The following CDX1 variants were observed in gnomAD, a reference collection of about 807,000 sequenced individuals.
The protein encoded by CDX1 is caudal type homeobox 1.
Under a neutral mutation model 16.9 loss-of-function variants are expected in CDX1, and 9 were observed. That is an observed-to-expected ratio of 0.53 (90% CI 0.32 to 0.93). CDX1 has a LOEUF of 0.93. Among genes scored for constraint, CDX1 ranks in the 40% least tolerant of loss-of-function variants. The pLI, the probability that CDX1 is intolerant of heterozygous loss-of-function variation, is 0.04. For synonymous variants in CDX1, 179 were observed against 179.0 expected (o/e 1.00, Z 0.00); for missense variants, 393 against 386.1 (o/e 1.02, Z -0.15).
At chr5:150,172,651 G>A (rs1051200113) in intron 1 of CDX1, among the ~76,000 whole-genome samples, 1 of 152,176 alleles carries the variant, frequency 6.6e-6, no homozygotes. Context: ...GGGATGTACT[G>A]TAAGAGGCTG....
At chr5:150,182,969 G>A in intron 2 of CDX1, 56 bp downstream of exon 2, 1 of 1,539,878 alleles carries the variant, frequency 6.5e-7, no homozygotes, top group Admixed American at 2.0e-5. Context: ...CTGGTCTCCA[G>A]GCTGCCAGGC....
At chr5:150,182,470 T>C (rs1215016032) in intron 1 of CDX1, among the ~76,000 whole-genome samples, 5 of 152,234 alleles carry the variant, frequency 3.3e-5, no homozygotes, top group Admixed American at 6.5e-5. Context: ...TCAGGAGACC[T>C]GGGCTGAAGC....
At chr5:150,180,363 T>C (rs1438008532) in intron 1 of CDX1, among the ~76,000 whole-genome samples, 1 of 152,214 alleles carries the variant, frequency 6.6e-6, no homozygotes, top group African/African-American at 2.4e-5. Context: ...TCAGTGGACA[T>C]GGAAGCGTCC....
At chr5:150,180,279 C>G (rs944961746) in intron 1 of CDX1, among the ~76,000 whole-genome samples, 12 of 152,236 alleles carry the variant, frequency 7.9e-5, no homozygotes, top group African/African-American at 2.2e-4. Flanking sequence ...CAGCCACTCC[C>G]TTATCCCTTT....
In CDX1 at chr5:150,184,397, G is replaced by A. The variant is rs1468063264; in HGVS notation, c.*717G>A. On this transcript the variant is annotated 3_prime_UTR_variant, in exon 3 of 3. Coordinates refer to ENST00000231656, the MANE Select transcript of CDX1 (RefSeq NM_001804.3). ...ATCAGGGCCCAGGGAGCCCCCAGAG[G>A]ACTTTATTCGGACCAAGCAGAGCTC... is the stretch of plus-strand genomic sequence containing the variant. 1 of 152,320 alleles carries A rather than the reference G, an allele frequency of 6.6e-6. No individual in the cohort carries two copies. The highest frequency in any genetic ancestry group is 1.9e-4 in the East Asian group (1 of 5,188). 9.4% of individuals were successfully genotyped at this position (152,320 alleles called of 1,614,324 possible).
chr5:150,182,258 T>G (rs1752459569), intron 1 of CDX1, among the ~76,000 whole-genome samples: 1 of 152,230 alleles, frequency 6.6e-6, no homozygotes, highest in African/African-American at 2.4e-5. Context: ...GTCTCCAGCA[T>G]TCAAACCTAT....
intron 1 of CDX1, among the ~76,000 whole-genome samples, chr5:150,175,369 G>A (rs1761555808): frequency 6.6e-6 from 1 of 152,196 alleles, no homozygotes; most frequent in African/African-American, 2.4e-5. Flanking sequence ...GTCAGATTGT[G>A]GACCTTGATG....
At chr5:150,173,746 C>G (rs1761535396) in intron 1 of CDX1, among the ~76,000 whole-genome samples, 1 of 152,054 alleles carries the variant, frequency 6.6e-6, no homozygotes, top group South Asian at 2.1e-4. Flanking sequence ...GATTTCTGTC[C>G]CCGGAACAGC....
At chr5:150,181,415 A>G (rs1024823209) in intron 1 of CDX1, among the ~76,000 whole-genome samples, 90 of 152,160 alleles carry the variant, frequency 5.9e-4, no homozygotes, top group African/African-American at 1.9e-3. Context: ...AGCTGGGATT[A>G]CAGATGTATG....
intron 1 of CDX1, among the ~76,000 whole-genome samples, chr5:150,173,968 C>G (rs1318531210): frequency 1.3e-5 from 2 of 152,172 alleles, no homozygotes; most frequent in East Asian, 3.8e-4. Context: ...GAGGAAGTAG[C>G]AGGTTTGTTT....
chr5:150,182,976 A>G (rs1384252293), intron 2 of CDX1, 63 bp downstream of exon 2: 1 of 1,534,506 alleles, frequency 6.5e-7, no homozygotes, highest in Non-Finnish European at 8.8e-7. Flanking sequence ...CCAGGCTGCC[A>G]GGCAGAGTAC....
intron 1 of CDX1, among the ~76,000 whole-genome samples, chr5:150,177,987 G>T (rs1477372817): frequency 6.6e-6 from 1 of 152,178 alleles, no homozygotes; most frequent in African/African-American, 2.4e-5. Context: ...GGACAGAGAG[G>T]AGTAATTATG....
rs144264098 is a variant in CDX1, at chr5:150,173,799, G to A, written c.445+6478G>A. On this transcript the variant is annotated intron_variant, in intron 1 of 2. Transcript: ENST00000231656. ...AATGAGTGGCTGGACTAAGCTTTAG[G>A]AGCAATGGAGATGGACAGAAGGCTG... Among the ~76,000 whole-genome samples, 373 of 152,302 alleles carry A rather than the reference G, an allele frequency of 2.4e-3. 1 individual carries two copies. The highest frequency in any genetic ancestry group is 0.01 in the Middle Eastern group (3 of 294).
Position 150,166,975 on chromosome 5 carries a change from G to A in CDX1, c.99G>A (p.Pro33=), listed in dbSNP as rs1194176600. The A allele has an allele frequency of 3.5e-6, 5 of 1,437,992 alleles. No individual in the cohort carries two copies. The highest frequency in any genetic ancestry group is 5.4e-5 in the Admixed American group (2 of 37,048). The allele number at this position is 1,437,992 out of a possible 1,614,324, so 89.1% of individuals were successfully genotyped here. ...TGGGCCCGCAAGCCTACGGCCCCCC[G>A]GCCCCGCCCCCGGCGCCCCCGCAGT... ...LGLGPQAYGP[P]APPPAPPQYP... is the part of the protein sequence containing the mutation. Residue 33 remains proline (P), a synonymous_variant, in exon 1 of 3, where the codon CCG becomes CCA. Transcript: ENST00000231656.
chr5:150,183,682 C>A lies in CDX1; in HGVS notation c.*2C>A, dbSNP rs1297381315. On this transcript the variant is annotated 3_prime_UTR_variant, in exon 3 of 3. Coordinates refer to ENST00000231656, the MANE Select transcript of CDX1 (RefSeq NM_001804.3). ...GTGAAAGAGGAGTTTCTGCCATAGCCCCATGCCCAGCCTGTGCGCCGGGGG... is the reference window on the plus strand; with the variant it reads ...GTGAAAGAGGAGTTTCTGCCATAGCACCATGCCCAGCCTGTGCGCCGGGGG... 5.1e-6 allele frequency: 8 copies of A among 1,561,582 alleles called. No homozygotes were observed. Among genetic ancestry groups the A allele is most frequent in the South Asian group, 1.2e-5 (1 of 84,042 alleles).
In CDX1 at chr5:150,175,070, C is replaced by G. The variant is rs375955311; in HGVS notation, c.446-7698C>G. Among the ~76,000 whole-genome samples the G allele has an allele frequency of 2.0e-5, 3 of 152,148 alleles. No individual in the cohort carries two copies. In the East Asian group the frequency reaches 5.8e-4, roughly 29 times the overall value. On this transcript the variant is annotated intron_variant, in intron 1 of 2. Transcript: ENST00000231656. ...GGGATTACAGGCATGAGCCACCTCG[C>G]CTGGCCTCTCTCCTGCCTCTTTCAG... is the stretch of plus-strand genomic sequence containing the variant.
chr5:150,179,780 A>G (rs1210691791), intron 1 of CDX1, among the ~76,000 whole-genome samples: 2 of 151,996 alleles, frequency 1.3e-5, no homozygotes, highest in African/African-American at 4.8e-5. Flanking sequence ...TTCCCTCACC[A>G]TGGTCTGGGC....
intron 1 of CDX1, among the ~76,000 whole-genome samples, chr5:150,172,346 G>A (rs1186739888): frequency 6.6e-6 from 1 of 152,122 alleles, no homozygotes; most frequent in Non-Finnish European, 1.5e-5. Flanking sequence ...TCTTTACTGT[G>A]TGCCAGGCAC....
At chr5:150,180,038 T>C (rs992582937) in intron 1 of CDX1, among the ~76,000 whole-genome samples, 6 of 152,360 alleles carry the variant, frequency 3.9e-5, no homozygotes, top group Admixed American at 3.9e-4. Context: ...GCCTCTTCTT[T>C]GGCCCTCCAG....
Sources: allele counts gnomAD v4.1 joint callset (sites outside exome capture counted in the v4.1 genomes callset), GRCh38; gene constraint gnomAD v4.1.1; transcripts MANE v1.5; gene names NCBI Gene and HGNC (gene_info 2026-07-23, HGNC 2026-07-21).